C4orf36: variants seen among roughly 807,000 people sequenced by gnomAD.
C4orf36 encodes the protein chromosome 4 open reading frame 36.
A neutral mutation model predicts 12.2 loss-of-function variants in C4orf36; 11 were observed. The observed-to-expected ratio is 0.90, with a 90% confidence interval of 0.57 to 1.49. The LOEUF is 1.49. Ranked by LOEUF, C4orf36 falls within the 40% of genes most tolerant of loss-of-function variation. C4orf36 has a pLI of 0.00. For synonymous variants in C4orf36, 54 were observed against 51.3 expected, an observed-to-expected ratio of 1.05 and a Z score of -0.22; for missense variants, 137 against 133.9, an observed-to-expected ratio of 1.02 and a Z score of -0.11.
chr4:86,895,834 C>T (rs765422721), upstream of C4orf36, among the ~76,000 whole-genome samples: 43 of 151,848 alleles, frequency 2.8e-4, no homozygotes, highest in Non-Finnish European at 5.9e-4. Flanking sequence ...TGCTGGCGTC[C>T]TACACACATC....
the C4orf36 span, among the ~76,000 whole-genome samples, chr4:86,933,981 A>G: frequency 2.0e-5 from 3 of 152,260 alleles, no homozygotes; most frequent in East Asian, 3.8e-4. Flanking sequence ...ATATCCATCA[A>G]TTAGGTTTTC....
chr4:86,909,339 A>G, the C4orf36 span, among the ~76,000 whole-genome samples: 1 of 152,204 alleles, frequency 6.6e-6, no homozygotes, highest in Non-Finnish European at 1.5e-5. Flanking sequence ...TCAGGTCCCA[A>G]GCCGTTTGCA....
At chr4:86,894,181 G>A (rs185541513), upstream of C4orf36, among the ~76,000 whole-genome samples, 259 of 152,296 alleles carry the variant, frequency 1.7e-3, 1 homozygote, top group African/African-American at 5.9e-3. Context: ...ATAGGCGTGA[G>A]CCACCGCGCC....
intron 4 of C4orf36, among the ~76,000 whole-genome samples, chr4:86,884,884 G>A (rs1747138279): frequency 6.6e-6 from 1 of 152,186 alleles, no homozygotes; most frequent in Non-Finnish European, 1.5e-5. Flanking sequence ...TTTGTGTAAG[G>A]TGTAAGGAAG....
intron 4 of C4orf36, chr4:86,887,160 G>GT (rs1479767623): frequency 6.6e-6 from 1 of 152,114 alleles, no homozygotes; most frequent in Non-Finnish European, 1.5e-5. Context: ...TATACCTAAT[G>GT]TAAATGATGA....
At chr4:86,916,842 A>C in the C4orf36 span, among the ~76,000 whole-genome samples, 1 of 152,210 alleles carries the variant, frequency 6.6e-6, no homozygotes, top group Non-Finnish European at 1.5e-5. Flanking sequence ...ATGTCTATAG[A>C]ATGCGGATAC....
At chr4:86,934,933 A>AGGTGGG in the C4orf36 span, 9 of 147,620 alleles carry the variant, frequency 6.1e-5, no homozygotes, top group East Asian at 4.3e-4. Context: ...GCAGCTCGGG[A>AGGTGGG]GGTGGGGGTG....
At chr4:86,910,355 T>C in the C4orf36 span, among the ~76,000 whole-genome samples, 1 of 152,018 alleles carries the variant, frequency 6.6e-6, no homozygotes, top group Admixed American at 6.6e-5. Context: ...GAGTTTGCAG[T>C]GAGCTGAGAT....
At chr4:86,933,952 G>C in the C4orf36 span, among the ~76,000 whole-genome samples, 1 of 152,138 alleles carries the variant, frequency 6.6e-6, no homozygotes, top group Non-Finnish European at 1.5e-5. Flanking sequence ...GTAGCCAAAG[G>C]TTTAATTTGG....
chr4:86,891,293 CAAAAAAA>C (rs34250498), intron 2 of C4orf36, among the ~76,000 whole-genome samples, 156 bp downstream of exon 2: 4,270 of 118,962 alleles, frequency 0.036, 188 homozygotes, highest in African/African-American at 0.11. Flanking sequence ...AAGCAGTTGC[CAAAAAAA>C]AAAAAAAAAA....
At chr4:86,893,862 ATTTT>A (rs1169159891), upstream of C4orf36, among the ~76,000 whole-genome samples, 259 of 138,568 alleles carry the variant, frequency 1.9e-3, 1 homozygote, top group African/African-American at 6.4e-3. Context: ...TTTGGCCTGA[ATTTT>A]TATTTATTTA....
upstream of C4orf36, among the ~76,000 whole-genome samples, chr4:86,893,959 C>T (rs1238241611): frequency 6.6e-6 from 1 of 151,754 alleles, no homozygotes; most frequent in Non-Finnish European, 1.5e-5. Context: ...TGCAGTGGCG[C>T]CATCTCAGCT....
the C4orf36 span, among the ~76,000 whole-genome samples, chr4:86,915,481 T>A: frequency 6.6e-6 from 1 of 152,114 alleles, no homozygotes; most frequent in Non-Finnish European, 1.5e-5. Flanking sequence ...ATTCAATGAC[T>A]GATGTACTTA....
chr4:86,929,092 T>C, the C4orf36 span, among the ~76,000 whole-genome samples: 2 of 152,180 alleles, frequency 1.3e-5, no homozygotes, highest in Admixed American at 1.3e-4. Flanking sequence ...ATTTATTTTT[T>C]CTTTCCGTAT....
upstream of C4orf36, among the ~76,000 whole-genome samples, chr4:86,896,421 TAC>T (rs1428161536): frequency 2.0e-5 from 3 of 152,266 alleles, no homozygotes; most frequent in Admixed American, 1.3e-4. Flanking sequence ...AAATGCAGCT[TAC>T]AGTTTTCTAA....
At chr4:86,899,082 C>A in the C4orf36 span, among the ~76,000 whole-genome samples, 1 of 152,120 alleles carries the variant, frequency 6.6e-6, no homozygotes, top group Admixed American at 6.6e-5. Flanking sequence ...GAGAGTGAGA[C>A]CCTGTCTCAA....
At chr4:86,917,396 G>GGAGAGAGAAAGAGAGGAAGA in the C4orf36 span, among the ~76,000 whole-genome samples, 1 of 134,354 alleles carries the variant, frequency 7.4e-6, no homozygotes, top group Non-Finnish European at 1.6e-5. Context: ...AAGGAAGGAA[G>GGAGAGAGAAAGAGAGGAAGA]GAGAGAGAAA....
In C4orf36 at chr4:86,888,116, C is replaced by G; in HGVS notation, c.220+5G>C. Reference sequence around the variant, plus strand: ...ACTTATTAAAGCAGAACTTAAGGAACTTACATTCTGCAGAAGGGAGCAGTC... The same window carrying G: ...ACTTATTAAAGCAGAACTTAAGGAAGTTACATTCTGCAGAAGGGAGCAGTC... On this transcript the variant is annotated splice_donor_5th_base_variant and intron_variant, in intron 3 of 4. Transcript: ENST00000295898. The G allele has an allele frequency of 3.1e-6, 5 of 1,608,092 alleles. No individual in the cohort carries two copies. In the South Asian group the frequency reaches 5.6e-5, roughly 18 times the overall value.
the C4orf36 span, among the ~76,000 whole-genome samples, chr4:86,904,580 CAAAAAAAAAA>C: frequency 2.8e-5 from 2 of 70,458 alleles, no homozygotes; most frequent in East Asian, 4.9e-4. Context: ...GACTCTGTCT[CAAAAAAAAAA>C]AAAAAAAAAA....
Sources: gnomAD v4.1 joint callset for allele counts (sites outside exome capture counted in the v4.1 genomes callset) on GRCh38, gnomAD v4.1.1 for gene constraint, MANE v1.5 for transcripts, NCBI Gene and HGNC (gene_info 2026-07-23, HGNC 2026-07-21) for gene names.